The following PARP16 variants were observed in gnomAD, a reference collection of about 807,000 sequenced individuals.
The protein encoded by PARP16 is protein mono-ADP-ribosyltransferase PARP16.
A neutral mutation model predicts 35.0 loss-of-function variants in PARP16; 31 were observed. That is an observed-to-expected ratio of 0.88 (90% CI 0.66 to 1.19). The LOEUF (loss-of-function observed/expected upper bound fraction) is 1.19. PARP16 is among the 50% of genes most tolerant of loss of function. PARP16 has a pLI of 0.00. For synonymous variants in PARP16, 162 were observed against 169.5 expected, an observed-to-expected ratio of 0.96 and a Z score of 0.34; for missense variants, 424 against 411.2, an observed-to-expected ratio of 1.03 and a Z score of -0.27.
At chr15:65,283,596 G>T (rs1182062348) in intron 1 of PARP16, among the ~76,000 whole-genome samples, 1 of 152,126 alleles carries the variant, frequency 6.6e-6, no homozygotes, top group Admixed American at 6.5e-5. Flanking sequence ...CTCTGCTCTT[G>T]AAGTTCTGCC....
At chr15:65,234,049 A>G (rs1392853977), downstream of PARP16, among the ~76,000 whole-genome samples, 1 of 152,198 alleles carries the variant, frequency 6.6e-6, no homozygotes, top group East Asian at 1.9e-4. Flanking sequence ...AGTTCTTAAC[A>G]TTTTTTGGAC....
chr15:65,260,917 G>A lies in PARP16; in HGVS notation c.801C>T (p.Tyr267=), dbSNP rs769034115. The A allele has an allele frequency of 5.0e-6, 8 of 1,613,850 alleles. No individual in the cohort carries two copies. The African/African-American group carries it at 1.1e-4, about 22-fold the overall frequency. Residue 267 remains tyrosine, a synonymous_variant, in exon 5 of 6, where the codon TAC becomes TAT. Coordinates refer to ENST00000649807, the MANE Select transcript of PARP16 (RefSeq NM_001316943.2). ...VTNNQLLRVK[Y]LLVYSQKPPK... ...GTGGCTTCTGTGAATACACCAGGAG[G>A]TACTTCACTCGCAGCAGCTGGTTAT...
intron 2 of PARP16, among the ~76,000 whole-genome samples, chr15:65,251,884 C>G (rs1350069168): frequency 6.6e-6 from 1 of 152,094 alleles, no homozygotes; most frequent in Non-Finnish European, 1.5e-5. Context: ...CCTGCCTCAG[C>G]CTCCCGAGTA....
chr15:65,266,549 C>T lies in PARP16; in HGVS notation c.519+13G>A, dbSNP rs376695838. On this transcript the variant is annotated intron_variant, in intron 3 of 5. Coordinates refer to ENST00000649807, the MANE Select transcript of PARP16 (RefSeq NM_001316943.2). Reference sequence around the variant, plus strand: ...TGCTTCCCCACATCAGCAGGGTGTCCCTTAGGCCCCACCTTGTTCAGATGG... The same window carrying T: ...TGCTTCCCCACATCAGCAGGGTGTCTCTTAGGCCCCACCTTGTTCAGATGG... The T allele has an allele frequency of 3.1e-6, 5 of 1,606,150 alleles. No individual in the cohort carries two copies. In the African/African-American group the frequency reaches 6.7e-5, roughly 21 times the overall value.
At chr15:65,265,559 G>C (rs1305740177) in intron 3 of PARP16, among the ~76,000 whole-genome samples, 1 of 152,200 alleles carries the variant, frequency 6.6e-6, no homozygotes, top group African/African-American at 2.4e-5. Flanking sequence ...CAGCTCAAGA[G>C]GGGAGGGAAA....
In PARP16 at chr15:65,259,467, G is replaced by A; in HGVS notation, c.909C>T (p.Leu303=). ...CAGAGGAGTTGATGACACTCACTAT[G>A]AGCAGCAGCAGCAGATACAGGGATA... is the stretch of plus-strand genomic sequence containing the variant. The part of the protein sequence containing the change: ...VMISLYLLLL[L]IVSVINSSAF... The change falls in exon 6 of 6, where the codon CTC becomes CTT. Residue 303 remains leucine, a synonymous_variant. Transcript: ENST00000649807. The A allele has an allele frequency of 2.9e-5, 47 of 1,613,540 alleles. No individual in the cohort carries two copies. The highest frequency in any genetic ancestry group is 4.0e-5 in the Non-Finnish European group (47 of 1,179,408).
At chr15:65,271,131 C>T in intron 1 of PARP16, 59 bp from the exon 2 acceptor site, 1 of 1,575,756 alleles carries the variant, frequency 6.3e-7, no homozygotes. Flanking sequence ...TAATCAGGGG[C>T]CCTCTAGTGG....
chr15:65,232,223 G>T (rs1017646159), downstream of PARP16, among the ~76,000 whole-genome samples: 3 of 152,140 alleles, frequency 2.0e-5, no homozygotes, highest in Non-Finnish European at 4.4e-5. Flanking sequence ...GGAGGTAGTG[G>T]TGTTTATATC....
At chr15:65,262,024 G>A (rs1367115259) in intron 4 of PARP16, among the ~76,000 whole-genome samples, 4 of 152,094 alleles carry the variant, frequency 2.6e-5, no homozygotes, top group African/African-American at 9.7e-5. Flanking sequence ...TTGGGAGGGT[G>A]GTGTCAGACC....
rs1555423774 is a variant in PARP16 at position 65,269,176 on chromosome 15, T to TTTCTTTC, written c.312+1758_312+1759insGAAAGAA. 2.1e-4 allele frequency among the ~76,000 whole-genome samples: 30 copies of TTTCTTTC among 146,156 alleles called. 1 individual carries two copies. The East Asian group carries it at 3.4e-3, about 17-fold the overall frequency. ...ACACCTGGCCCATTTTAGTCGGTTTTTTTCTTTCTTTCTTTCTTTCTTTCT... is the reference window on the plus strand; with the variant it reads ...ACACCTGGCCCATTTTAGTCGGTTTTTTCTTTCTTTCTTTCTTTCTTTCTTTCTTTCT... On this transcript the variant is annotated intron_variant, in intron 2 of 5. Coordinates refer to ENST00000649807, the MANE Select transcript of PARP16 (RefSeq NM_001316943.2).
intron 1 of PARP16, among the ~76,000 whole-genome samples, chr15:65,277,903 G>C (rs2090304094): frequency 6.6e-6 from 1 of 152,154 alleles, no homozygotes; most frequent in Admixed American, 6.5e-5. Flanking sequence ...GCAGTATAGG[G>C]GTATGTGGAA....
intron 4 of PARP16, among the ~76,000 whole-genome samples, chr15:65,261,452 TG>T (rs1223664095): frequency 6.7e-6 from 1 of 149,446 alleles, no homozygotes; most frequent in Non-Finnish European, 1.5e-5. Flanking sequence ...ATACATGTTT[TG>T]TTTTTTTTTT....
At chr15:65,247,858 G>A (rs2089251893) in intron 3 of PARP16, among the ~76,000 whole-genome samples, 1 of 141,296 alleles carries the variant, frequency 7.1e-6, no homozygotes, top group Non-Finnish European at 1.5e-5. Context: ...AGGCTGGAGT[G>A]CAGTGGCGCA....
downstream of PARP16, among the ~76,000 whole-genome samples, chr15:65,257,493 T>C (rs1816665506): frequency 6.7e-6 from 1 of 149,654 alleles, no homozygotes. Flanking sequence ...GAGCCAGGCA[T>C]GGTGGTGTGT....
downstream of PARP16, among the ~76,000 whole-genome samples, chr15:65,233,761 T>C (rs1265323824): frequency 1.3e-5 from 2 of 151,144 alleles, no homozygotes; most frequent in African/African-American, 4.9e-5. Flanking sequence ...AAAAAAAAAT[T>C]TAAATTGCAA....
At chr15:65,247,717 T>C (rs995820177) in intron 3 of PARP16, among the ~76,000 whole-genome samples, 2 of 151,146 alleles carry the variant, frequency 1.3e-5, no homozygotes, top group African/African-American at 4.9e-5. Flanking sequence ...AAAACACATA[T>C]GAACATTCAC....
intron 2 of PARP16, among the ~76,000 whole-genome samples, chr15:65,252,846 C>A (rs72729092): frequency 2.6e-5 from 4 of 151,964 alleles, no homozygotes; most frequent in Non-Finnish European, 5.9e-5. Flanking sequence ...AAATGCAAGG[C>A]GGCTGGGCGT....
intron 1 of PARP16, among the ~76,000 whole-genome samples, chr15:65,271,860 A>G (rs1451031056): frequency 1.3e-5 from 2 of 152,242 alleles, no homozygotes; most frequent in African/African-American, 4.8e-5. Flanking sequence ...TAGTATGACA[A>G]CTACATACGT....
At chr15:65,275,660 T>C (rs1198649286) in intron 1 of PARP16, among the ~76,000 whole-genome samples, 2 of 152,092 alleles carry the variant, frequency 1.3e-5, no homozygotes, top group Non-Finnish European at 2.9e-5. Context: ...TCATCTCAAA[T>C]GATCCTGTGA....
Sources: allele counts gnomAD v4.1 joint callset (sites outside exome capture counted in the v4.1 genomes callset), GRCh38; gene constraint gnomAD v4.1.1; transcripts MANE v1.5; gene names NCBI Gene and HGNC (gene_info 2026-07-23, HGNC 2026-07-21).